Variants in TRIM5 observed in about 807,000 individuals in gnomAD.
The protein encoded by TRIM5 is tripartite motif-containing protein 5.
Under a neutral mutation model 35.6 loss-of-function variants are expected in TRIM5, and 31 were observed. The ratio of observed to expected loss-of-function variants is 0.87; its 90% CI spans 0.65 to 1.18. The LOEUF is 1.18. Among genes scored for constraint, TRIM5 ranks in the 50% most tolerant of loss-of-function variants. TRIM5 has a pLI of 0.00. For synonymous variants in TRIM5, 243 were observed against 215.6 expected, an observed-to-expected ratio of 1.13 and a Z score of -1.11; for missense variants, 609 against 591.6, an observed-to-expected ratio of 1.03 and a Z score of -0.31.
chr11:5,662,744 C>T (rs1850872802), downstream of TRIM5, among the ~76,000 whole-genome samples: 2 of 151,946 alleles, frequency 1.3e-5, no homozygotes, highest in Admixed American at 6.6e-5. Context: ...TTTCTTCAAA[C>T]GAAGGGAGAA....
At chr11:5,632,527 G>C in the TRIM5 span, 13 of 1,613,948 alleles carry the variant, frequency 8.1e-6, no homozygotes, top group Admixed American at 2.2e-4. Flanking sequence ...TTACTCATTT[G>C]AACATCTACA....
At chr11:5,592,810 G>A in the TRIM5 span, among the ~76,000 whole-genome samples, 1 of 150,930 alleles carries the variant, frequency 6.6e-6, no homozygotes, top group Non-Finnish European at 1.5e-5. Context: ...TCAGCTACTT[G>A]AGAGGCTGAA....
chr11:5,624,429 C>T, the TRIM5 span, among the ~76,000 whole-genome samples: 7,579 of 152,176 alleles, frequency 0.05, 551 homozygotes, highest in African/African-American at 0.17. Flanking sequence ...CCTCCATCTC[C>T]TAGCGGGTGA....
At chr11:5,610,726 C>T in the TRIM5 span, 20 of 1,591,908 alleles carry the variant, frequency 1.3e-5, no homozygotes, top group South Asian at 1.3e-4. Context: ...CTCAGCATAA[C>T]GAGACCCATG....
At chr11:5,683,575 T>C (rs993466723) in intron 1 of TRIM5, among the ~76,000 whole-genome samples, 4 of 151,802 alleles carry the variant, frequency 2.6e-5, no homozygotes, top group African/African-American at 9.7e-5. Flanking sequence ...AGCTCAAGGT[T>C]TGTAAACACA....
chr11:5,663,327 A>C lies in TRIM5; in HGVS notation c.*1482T>G, dbSNP rs1186980916. ...AATTCAGTTTGTTTGATAAAGACTA[A>C]TATGTAGCAACACTAGAATTACAAT... On this transcript the variant is annotated 3_prime_UTR_variant, in exon 8 of 8. Transcript: ENST00000380034. 1.1e-6 allele frequency: 1 copy of C among 943,062 alleles called. No homozygotes were observed. 58.4% of individuals were successfully genotyped at this position (943,062 alleles called of 1,614,324 possible).
At chr11:5,633,668 T>G in the TRIM5 span, 1 of 807,174 alleles carries the variant, frequency 1.2e-6, no homozygotes, top group South Asian at 2.0e-5. Flanking sequence ...CCCCATGTCA[T>G]AGATTCTAAT....
At chr11:5,606,958 C>A in the TRIM5 span, among the ~76,000 whole-genome samples, 2 of 152,154 alleles carry the variant, frequency 1.3e-5, no homozygotes, top group African/African-American at 4.8e-5. Flanking sequence ...AATCCCAGCA[C>A]TTTGGGAGGC....
intron 1 of TRIM5, among the ~76,000 whole-genome samples, chr11:5,683,440 G>T (rs954948862): frequency 1.3e-5 from 2 of 152,228 alleles, no homozygotes; most frequent in Non-Finnish European, 2.9e-5. Flanking sequence ...TCAGCACCCT[G>T]TGTCTAGCTC....
chr11:5,636,041 C>G, the TRIM5 span, among the ~76,000 whole-genome samples: 2 of 152,264 alleles, frequency 1.3e-5, no homozygotes, highest in South Asian at 4.1e-4. Flanking sequence ...TACCTATATA[C>G]CTAGAAGAAC....
At chr11:5,662,114 C>T (rs962808282), downstream of TRIM5, among the ~76,000 whole-genome samples, 1 of 152,170 alleles carries the variant, frequency 6.6e-6, no homozygotes, top group African/African-American at 2.4e-5. Context: ...CTGGATGGTG[C>T]TGAGGTAGAG....
the TRIM5 span, among the ~76,000 whole-genome samples, chr11:5,622,302 G>A: frequency 9.9e-5 from 15 of 152,174 alleles, no homozygotes; most frequent in African/African-American, 1.7e-4. Flanking sequence ...AAAATTAGCC[G>A]GGCGTTGTGG....
the TRIM5 span, chr11:5,626,611 G>A: frequency 6.6e-6 from 1 of 152,190 alleles, no homozygotes; most frequent in Non-Finnish European, 1.5e-5. Context: ...CAGGCGCGGT[G>A]GTTCACGCTT....
At chr11:5,615,470 A>T in the TRIM5 span, among the ~76,000 whole-genome samples, 1 of 6,052 alleles carries the variant, frequency 1.7e-4, no homozygotes, top group African/African-American at 5.8e-4. Flanking sequence ...TGATGAACTG[A>T]CACCCCTTTC....
the TRIM5 span, chr11:5,624,869 T>C: frequency 3.3e-5 from 5 of 152,264 alleles, 1 homozygote; most frequent in African/African-American, 1.2e-4. Context: ...TCATTTCACC[T>C]AGACGCTCCT....
chr11:5,678,175 C>A, intron 4 of TRIM5, 29 bp downstream of exon 4: 1 of 1,561,542 alleles, frequency 6.4e-7, no homozygotes, highest in South Asian at 1.2e-5. Flanking sequence ...TCTTTAATCT[C>A]AGTGCTCAGG....
the TRIM5 span, chr11:5,603,307 G>C: frequency 1.9e-6 from 3 of 1,614,112 alleles, no homozygotes; most frequent in African/African-American, 2.7e-5. Flanking sequence ...CAGGAGAGTA[G>C]CTACAATGAC....
chr11:5,611,009 T>TA, the TRIM5 span: 1 of 1,614,152 alleles, frequency 6.2e-7, no homozygotes. Flanking sequence ...CACTGGGACC[T>TA]ACATTCTCTT....
At chr11:5,661,942 C>T (rs1201620207), downstream of TRIM5, among the ~76,000 whole-genome samples, 1 of 152,132 alleles carries the variant, frequency 6.6e-6, no homozygotes, top group Non-Finnish European at 1.5e-5. Flanking sequence ...CTTGGCTTTC[C>T]AGGAAATGAA....
Sources: allele counts gnomAD v4.1 joint callset (sites outside exome capture counted in the v4.1 genomes callset), GRCh38; gene constraint gnomAD v4.1.1; transcripts MANE v1.5; gene names NCBI Gene and HGNC (gene_info 2026-07-23, HGNC 2026-07-21).